Variants in EGFR observed in about 807,000 individuals in gnomAD.
EGFR encodes epidermal growth factor receptor, also known as avian erythroblastic leukemia viral (v-erb-b) oncogene homolog.
In EGFR, 58 loss-of-function variants were observed where a neutral mutation model predicts 143.0. The ratio of observed to expected loss-of-function variants is 0.41; its 90% CI spans 0.33 to 0.50. The LOEUF is 0.50. Among genes scored for constraint, EGFR ranks in the 20% least tolerant of loss-of-function variants. EGFR has a pLI of 0.39. For synonymous variants in EGFR, 613 were observed against 594.4 expected (o/e 1.03, Z -0.45); for missense variants, 1,307 against 1,579.0 (o/e 0.83, Z 2.92).
At chr7:55,032,051 ACT>A (rs1787279751) in intron 1 of EGFR, among the ~76,000 whole-genome samples, 1 of 152,154 alleles carries the variant, frequency 6.6e-6, no homozygotes, top group East Asian at 1.9e-4. Flanking sequence ...ACTTCTGAAC[ACT>A]GTTTTCAAGG....
rs1235180640 is a variant in EGFR at position 55,165,322 on chromosome 7, C to T, written c.1765C>T (p.Pro589Ser). The T allele has an allele frequency of 1.9e-6, 3 of 1,614,010 alleles. No homozygotes were observed. The highest frequency in any genetic ancestry group is 2.7e-5 in the African/African-American group (2 of 74,910). The change falls in exon 15 of 28, where the codon CCC becomes TCC. Residue 589 changes from proline (P) to serine (S), a missense_variant. Coordinates refer to ENST00000275493, the MANE Select transcript of EGFR (RefSeq NM_005228.5). ...CIQCAHYIDG[P>S]HCVKTCPAGV... ...CCAGTGTGCCCACTACATTGACGGCCCCCACTGCGTCAAGACCTGCCCGGC... is the reference window on the plus strand; with the variant it reads ...CCAGTGTGCCCACTACATTGACGGCTCCCACTGCGTCAAGACCTGCCCGGC...
intron 16 of EGFR, among the ~76,000 whole-genome samples, chr7:55,172,489 T>C (rs1786396396): frequency 2.0e-5 from 3 of 151,660 alleles, no homozygotes; most frequent in South Asian, 2.1e-4. Context: ...ACACAATCCA[T>C]GTGCTCATCT....
intron 22 of EGFR, among the ~76,000 whole-genome samples, chr7:55,193,378 G>C (rs576410116): frequency 4.4e-4 from 67 of 152,152 alleles, no homozygotes; most frequent in Non-Finnish European, 7.8e-4. Flanking sequence ...CCGGCCCTGG[G>C]GATTCTCTGT....
intron 1 of EGFR, among the ~76,000 whole-genome samples, chr7:55,108,035 T>C (rs1253795054): frequency 6.6e-6 from 1 of 152,222 alleles, no homozygotes; most frequent in Non-Finnish European, 1.5e-5. Flanking sequence ...TTAGTTATTG[T>C]GTTTGAAAGA....
chr7:55,033,937 T>TA (rs1286620653), intron 1 of EGFR, among the ~76,000 whole-genome samples: 2 of 152,254 alleles, frequency 1.3e-5, no homozygotes. Flanking sequence ...GTGCTCTTTT[T>TA]ACCTTAGGAC....
chr7:55,035,238 G>A (rs1787489007), intron 1 of EGFR, among the ~76,000 whole-genome samples: 1 of 152,144 alleles, frequency 6.6e-6, no homozygotes, highest in Non-Finnish European at 1.5e-5. Context: ...CCTAGGTAAT[G>A]TTTTTAAGCA....
intron 1 of EGFR, among the ~76,000 whole-genome samples, chr7:55,066,791 C>G (rs1405728070): frequency 3.3e-5 from 5 of 152,226 alleles, no homozygotes; most frequent in African/African-American, 1.2e-4. Context: ...TGCCTAGCTT[C>G]TCCTCCTCTG....
intron 1 of EGFR, among the ~76,000 whole-genome samples, chr7:55,078,020 C>T (rs1790230065): frequency 6.6e-6 from 1 of 152,128 alleles, no homozygotes; most frequent in African/African-American, 2.4e-5. Context: ...GGCTGGCCCT[C>T]TTGGGGTAAG....
In EGFR at chr7:55,151,462, G is replaced by A. The variant is rs937078745; in HGVS notation, c.628+100G>A. The A allele has an allele frequency of 2.3e-5, 29 of 1,270,904 alleles. No homozygotes were observed. In the Admixed American group the frequency reaches 3.5e-4, roughly 15 times the overall value. The allele number at this position is 1,270,904 out of a possible 1,614,324, so 78.7% of individuals were successfully genotyped here. A position where few individuals can be genotyped will look rare whatever the true frequency, so the allele number is the denominator to read the frequency against. ...GTTTTCCCTCTGAAGACTCCAAAGA[G>A]TTACTTTATTACAGGGTCAGATGTG... On this transcript the variant is annotated intron_variant, in intron 5 of 27. Transcript: ENST00000275493.
chr7:55,093,857 A>C (rs1027133751), intron 1 of EGFR, among the ~76,000 whole-genome samples: 1 of 152,184 alleles, frequency 6.6e-6, no homozygotes, highest in Non-Finnish European at 1.5e-5. Context: ...TGGATGCCAC[A>C]GGTGCTTAGC....
chr7:55,131,729 G>A (rs1357137599), intron 1 of EGFR, among the ~76,000 whole-genome samples: 2 of 152,148 alleles, frequency 1.3e-5, no homozygotes, highest in Non-Finnish European at 2.9e-5. Flanking sequence ...TTGACCCTCG[G>A]GGGAAAAGTC....
chr7:55,184,430 C>G (rs1787040518), intron 20 of EGFR, among the ~76,000 whole-genome samples: 1 of 152,232 alleles, frequency 6.6e-6, no homozygotes, highest in Admixed American at 6.5e-5. Flanking sequence ...TGCTCACATT[C>G]CAGTTGGCCT....
chr7:55,193,286 A>G (rs1256020564), intron 22 of EGFR, among the ~76,000 whole-genome samples: 5 of 152,170 alleles, frequency 3.3e-5, no homozygotes, highest in Non-Finnish European at 5.9e-5. Context: ...CGGCTTGACA[A>G]ACACACACTG....
intron 27 of EGFR, 136 bp downstream of exon 27, chr7:55,202,761 A>T: frequency 1.3e-6 from 1 of 795,468 alleles, no homozygotes; most frequent in Admixed American, 2.0e-5. Context: ...TTGCAGACAC[A>T]GTGAAGGGCG....
At chr7:55,061,545 A>AT (rs1411276594) in intron 1 of EGFR, among the ~76,000 whole-genome samples, 4 of 151,098 alleles carry the variant, frequency 2.6e-5, no homozygotes, top group African/African-American at 9.7e-5. Context: ...TTAAACGAGC[A>AT]TTTTATAAGC....
intron 1 of EGFR, among the ~76,000 whole-genome samples, chr7:55,030,979 A>C (rs1162940440): frequency 1.3e-5 from 2 of 152,238 alleles, no homozygotes; most frequent in Admixed American, 1.3e-4. Flanking sequence ...TTCAAAATGC[A>C]GTGTTCATTT....
At chr7:55,036,774 T>A (rs118059694) in intron 1 of EGFR, among the ~76,000 whole-genome samples, 1 of 152,246 alleles carries the variant, frequency 6.6e-6, no homozygotes, top group East Asian at 1.9e-4. Context: ...TTTGAAATAC[T>A]GTAGCGACAA....
chr7:55,138,306 G>A (rs1404173946), intron 1 of EGFR, among the ~76,000 whole-genome samples: 1 of 152,186 alleles, frequency 6.6e-6, no homozygotes, highest in Non-Finnish European at 1.5e-5. Flanking sequence ...AAAGGGTAAG[G>A]CAAACCACTA....
chr7:55,110,897 T>G (rs1035318810), intron 1 of EGFR, among the ~76,000 whole-genome samples: 3 of 152,152 alleles, frequency 2.0e-5, no homozygotes, highest in Non-Finnish European at 2.9e-5. Context: ...CATTTTCCAT[T>G]GACACTATGC....
Sources: allele counts gnomAD v4.1 joint callset (sites outside exome capture counted in the v4.1 genomes callset), GRCh38; gene constraint gnomAD v4.1.1; transcripts MANE v1.5; gene names NCBI Gene and HGNC (gene_info 2026-07-23, HGNC 2026-07-21).